UBR4: variants seen among roughly 807,000 people sequenced by gnomAD.
The protein encoded by UBR4 is ubiquitin protein ligase E3 component n-recognin 4, also known as E3 ubiquitin-protein ligase UBR4.
UBR4 carries 124 observed loss-of-function variants against 575.6 expected under a neutral mutation model. That is an observed-to-expected ratio of 0.22 (90% CI 0.19 to 0.25). The LOEUF (loss-of-function observed/expected upper bound fraction) is 0.25, where lower values mean the gene tolerates loss of function less well. Among genes scored for constraint, UBR4 ranks in the 10% least tolerant of loss-of-function variants. UBR4 has a pLI of 1.00. For missense variants in UBR4, 4,818 were observed against 6,478.8 expected (o/e 0.74, Z 8.80); for synonymous variants, 2,455 against 2,473.7 (o/e 0.99, Z 0.22).
At chr1:19,203,081 A>C (rs2092825357) in intron 1 of UBR4, among the ~76,000 whole-genome samples, 1 of 151,836 alleles carries the variant, frequency 6.6e-6, no homozygotes, top group Admixed American at 6.6e-5. Context: ...TCCGTCTCAG[A>C]GAAAAAAAAA....
chr1:19,192,004 TTATC>T (rs1306791763), intron 11 of UBR4, among the ~76,000 whole-genome samples, 180 bp downstream of exon 11: 2 of 152,338 alleles, frequency 1.3e-5, no homozygotes, highest in East Asian at 3.9e-4. Context: ...AATGAGTGAC[TTATC>T]TAAAAATCAC....
chr1:19,086,407 A>G, intron 100 of UBR4, 137 bp from the exon 101 acceptor site: 1 of 1,285,888 alleles, frequency 7.8e-7, no homozygotes, highest in Non-Finnish European at 1.0e-6. Flanking sequence ...TGACCCTGCG[A>G]AGAGAATTTG....
intron 105 of UBR4, 26 bp from the exon 106 acceptor site, chr1:19,074,922 T>C (rs747653414): frequency 6.2e-7 from 1 of 1,612,764 alleles, no homozygotes; most frequent in Non-Finnish European, 8.5e-7. Flanking sequence ...GGCAGAGGTG[T>C]GTCAGGAGCA....
intron 102 of UBR4, 52 bp downstream of exon 102, chr1:19,084,452 G>C: frequency 6.5e-7 from 1 of 1,536,230 alleles, no homozygotes; most frequent in Middle Eastern, 1.8e-4. Context: ...CTCGGGCAGA[G>C]GGATGCAGGG....
chr1:19,092,520 T>C (rs2077624753), intron 97 of UBR4, among the ~76,000 whole-genome samples: 1 of 152,108 alleles, frequency 6.6e-6, no homozygotes, highest in African/African-American at 2.4e-5. Flanking sequence ...GTAATATAAG[T>C]GTCCTAGTGA....
At chr1:19,107,068 CAAG>C (rs2079293108) in intron 81 of UBR4, 102 bp from the exon 82 acceptor site, 10 of 1,504,584 alleles carry the variant, frequency 6.6e-6, no homozygotes, top group South Asian at 1.2e-5. Context: ...TGTGCAAAGG[CAAG>C]AAGATCAGGA....
intron 11 of UBR4, among the ~76,000 whole-genome samples, chr1:19,190,312 A>AAAAAATATATATATATATATAT: frequency 2.5e-5 from 2 of 79,914 alleles, no homozygotes; most frequent in Admixed American, 1.8e-4. Context: ...AAAAAAAAAA[A>AAAAAATATATATATATATATAT]ATATATATAT....
At chr1:19,107,450 C>T (rs898823205) in intron 81 of UBR4, among the ~76,000 whole-genome samples, 20 of 152,252 alleles carry the variant, frequency 1.3e-4, no homozygotes, top group African/African-American at 4.3e-4. Context: ...GAGAGCTTTG[C>T]TTTACATGGT....
chr1:19,208,524 AC>A (rs2151876082), intron 1 of UBR4, among the ~76,000 whole-genome samples: 2 of 152,010 alleles, frequency 1.3e-5, no homozygotes, highest in African/African-American at 4.8e-5. Flanking sequence ...GTTACCAAAG[AC>A]CCATCAGTTT....
intron 44 of UBR4, among the ~76,000 whole-genome samples, 159 bp downstream of exon 44, chr1:19,154,759 T>C (rs368237944): frequency 1.8e-4 from 27 of 152,266 alleles, no homozygotes; most frequent in Middle Eastern, 3.4e-3. Flanking sequence ...CAAACCCGGA[T>C]GTTCCTTGAT....
intron 17 of UBR4, among the ~76,000 whole-genome samples, chr1:19,181,197 C>A (rs1173865877): frequency 1.3e-5 from 2 of 151,776 alleles, no homozygotes; most frequent in African/African-American, 4.8e-5. Context: ...GGCGACATAG[C>A]GAGACCCCAT....
chr1:19,101,418 G>T, intron 88 of UBR4, 102 bp downstream of exon 88: 1 of 1,427,638 alleles, frequency 7.0e-7, no homozygotes, highest in Non-Finnish European at 9.3e-7. Flanking sequence ...GTGGCCCACA[G>T]CTGGTACAAT....
In UBR4 at chr1:19,151,760, A is replaced by G; in HGVS notation, c.7096T>C (p.Ser2366Pro). ...GTTCTGCCGAAGATCTCGATATATG[A>G]CGGGGCCCGTTCTATTGCTTGAGTC... ...IGTQAIERAP[S>P]YIEIFGRTMQ... is the part of the protein sequence containing the mutation. The change falls in exon 48 of 106, where the codon TCA (serine) becomes CCA (proline). Residue 2366 changes from serine to proline, a missense_variant. Around this residue, in one of 29 missense-constraint regions of UBR4, gnomAD observed 461 missense variants for 606.9 expected, o/e 0.76. Coordinates refer to ENST00000375254, the MANE Select transcript of UBR4 (RefSeq NM_020765.3). 1 of 1,614,122 alleles carries G rather than the reference A, an allele frequency of 6.2e-7. No homozygotes were observed. The highest frequency in any genetic ancestry group is 2.2e-5 in the East Asian group (1 of 44,884).
chr1:19,166,959 A>T, intron 29 of UBR4, 63 bp downstream of exon 29: 1 of 1,545,940 alleles, frequency 6.5e-7, no homozygotes, highest in Admixed American at 1.7e-5. Flanking sequence ...CAGCAGTGTT[A>T]GTACATTTCA....
At position 19,104,129 on chromosome 1, in the gene UBR4, C is replaced by G; in HGVS notation, c.12856G>C (p.Glu4286Gln). ...ATCTCCAGCAGCATGTCCTGCGTCT[C>G]ATCGATCAGCTTGGTCCTCTGCACC... Reference protein sequence around the residue: ...LVVQRTKLIDETQDMLLEMLE... With the variant: ...LVVQRTKLIDQTQDMLLEMLE... The change falls in exon 87 of 106, where the codon GAG (glutamate) becomes CAG (glutamine). Residue 4286 changes from glutamate (E) to glutamine (Q), a missense_variant. Glu to Gln is a conservative substitution (Grantham distance 29). This residue lies in a region of UBR4 where 105 missense variants were observed against 232.8 expected (regional missense o/e 0.45). Transcript: ENST00000375254. 6.2e-7 allele frequency: 1 copy of G among 1,614,236 alleles called. No homozygotes were observed. Among genetic ancestry groups the G allele is most frequent in the Non-Finnish European group, 8.5e-7 (1 of 1,180,036 alleles).
At chr1:19,156,172 C>G in intron 42 of UBR4, 99 bp downstream of exon 42, 3 of 1,499,482 alleles carry the variant, frequency 2.0e-6, no homozygotes, top group Middle Eastern at 1.8e-4. Context: ...TGGCACCCAG[C>G]TGATTTTTTT....
At chr1:19,077,033 GC>G in intron 104 of UBR4, 131 bp from the exon 105 acceptor site, 1 of 928,250 alleles carries the variant, frequency 1.1e-6, no homozygotes. Context: ...ATACCAACAG[GC>G]ACCCTAGAGC....
rs1044289362 is a variant in UBR4, at chr1:19,150,669, G to A, written c.7338C>T (p.Ser2446=). The A allele has an allele frequency of 1.2e-6, 2 of 1,614,144 alleles. No individual in the cohort carries two copies. Among genetic ancestry groups the A allele is most frequent in the Non-Finnish European group, 1.7e-6 (2 of 1,180,016 alleles). ...PPEEFPSASV[S]NICPSNLNQS... ...GGTTCAGATTTGAAGGGCAGATGTT[G>A]CTGACAGAGGCAGAAGGGAATTCTT... Residue 2446 remains serine (S), a synonymous_variant, in exon 49 of 106, where the codon AGC becomes AGT. Coordinates refer to ENST00000375254, the MANE Select transcript of UBR4 (RefSeq NM_020765.3).
Position 19,076,740 on chromosome 1 carries a change from C to T in UBR4, c.15487G>A (p.Gly5163Ser), listed in dbSNP as rs146567156. The T allele has an allele frequency of 7.3e-5, 118 of 1,613,966 alleles. No individual in the cohort carries two copies. Among genetic ancestry groups the T allele is most frequent in the African/African-American group, 4.4e-4 (33 of 74,890 alleles). The change falls in exon 105 of 106, where the codon GGT becomes AGT. Residue 5163 changes from glycine (G) to serine (S), a missense_variant and splice_region_variant. Around this residue, in one of 29 missense-constraint regions of UBR4, gnomAD observed 212 missense variants for 221.3 expected, o/e 0.96. Transcript: ENST00000375254. ...ETFSEFLDVAGLLSEITDPES... is the reference protein window; with the variant it reads ...ETFSEFLDVASLLSEITDPES... The stretch of plus-strand genomic sequence containing the variant: ...TAAAAGAGAAAACCTTGACACTAAC[C>T]GGCCACATCGAGGAACTCTGAGAAG...
Sources: gnomAD v4.1 joint callset for allele counts (sites outside exome capture counted in the v4.1 genomes callset) on GRCh38, gnomAD v4.1.1 for gene constraint, gnomAD v4.1.1 regional missense constraint, MANE v1.5 for transcripts, NCBI Gene and HGNC (gene_info 2026-07-23, HGNC 2026-07-21) for gene names.